Variants in TLCD4 observed in about 807,000 individuals in gnomAD.
TLCD4 encodes the protein TLC domain containing 4.
Under a neutral mutation model 24.2 loss-of-function variants are expected in TLCD4, and 7 were observed. The ratio of observed to expected loss-of-function variants is 0.29; its 90% confidence interval spans 0.16 to 0.54. The LOEUF (loss-of-function observed/expected upper bound fraction) is 0.54. Among genes scored for constraint, TLCD4 ranks in the 20% least tolerant of loss-of-function variants. TLCD4 has a pLI of 0.95. For synonymous variants in TLCD4, 103 were observed against 106.4 expected (o/e 0.97, Z 0.20); for missense variants, 259 against 313.9 (o/e 0.82, Z 1.32).
intron 1 of TLCD4, chr1:95,140,630 C>G (rs1263571466): frequency 6.6e-6 from 1 of 152,210 alleles, no homozygotes; most frequent in Non-Finnish European, 1.5e-5. Flanking sequence ...TGTCTAGACG[C>G]TCTTGTAAAT....
At chr1:95,104,183 C>G in the TLCD4 span, among the ~76,000 whole-genome samples, 1 of 152,176 alleles carries the variant, frequency 6.6e-6, no homozygotes, top group Admixed American at 6.5e-5. Flanking sequence ...GTAAGACTCT[C>G]CCTCAGCCAC....
chr1:95,101,057 G>A, the TLCD4 span, among the ~76,000 whole-genome samples: 13 of 151,816 alleles, frequency 8.6e-5, no homozygotes, highest in Admixed American at 2.0e-4. Flanking sequence ...ACAGGCGCCC[G>A]CCAATGTGCC....
chr1:95,094,426 C>G, the TLCD4 span, among the ~76,000 whole-genome samples: 1 of 152,106 alleles, frequency 6.6e-6, no homozygotes, highest in South Asian at 2.1e-4. Context: ...GCCTGGCTGG[C>G]TAGCCTCTTT....
intron 6 of TLCD4, among the ~76,000 whole-genome samples, chr1:95,176,951 C>T (rs1474315720): frequency 9.9e-5 from 15 of 152,208 alleles, no homozygotes; most frequent in Non-Finnish European, 4.4e-5. Flanking sequence ...GCTGTACATG[C>T]AAGGGTTTAA....
Position 95,117,378 on chromosome 1 carries a change from G to A in TLCD4, c.-251G>A, listed in dbSNP as rs866923372. The A allele has an allele frequency of 1.3e-5, 2 of 152,264 alleles. No individual in the cohort carries two copies. Among genetic ancestry groups the A allele is most frequent in the African/African-American group, 2.4e-5 (1 of 41,562 alleles). The allele number at this position is 152,264 out of a possible 1,614,324, so 9.4% of individuals were successfully genotyped here. A position where few individuals can be genotyped will look rare whatever the true frequency, so the allele number is the denominator to read the frequency against. ...TTAAGGAGCAGCTCTGCGGTAACCC[G>A]AGCCCGCAGTCCGGGCGGGCGCGAC... On this transcript the variant is annotated 5_prime_UTR_variant, in exon 1 of 7. Transcript: ENST00000370203.
chr1:95,115,772 G>T (rs1275558114), upstream of TLCD4, among the ~76,000 whole-genome samples: 1 of 152,160 alleles, frequency 6.6e-6, no homozygotes, highest in Non-Finnish European at 1.5e-5. Flanking sequence ...CATTTATCAG[G>T]AAAGAACAGA....
the TLCD4 span, among the ~76,000 whole-genome samples, chr1:95,109,491 A>AT: frequency 0.52 from 73,415 of 139,890 alleles, 20,472 homozygotes; most frequent in Non-Finnish European, 0.63. Flanking sequence ...TAAGTTTTGC[A>AT]TTTTTTTTTT....
At chr1:95,176,512 G>A (rs1204724127) in intron 6 of TLCD4, among the ~76,000 whole-genome samples, 1 of 152,064 alleles carries the variant, frequency 6.6e-6, no homozygotes, top group African/African-American at 2.4e-5. Flanking sequence ...TTTAAATTGG[G>A]TTATTTATTT....
chr1:95,167,277 C>T (rs1678049990), intron 5 of TLCD4, among the ~76,000 whole-genome samples: 1 of 152,132 alleles, frequency 6.6e-6, no homozygotes, highest in African/African-American at 2.4e-5. Context: ...CATTAACTGT[C>T]TCCGCCTCCC....
At chr1:95,114,868 A>C (rs1363603942), upstream of TLCD4, among the ~76,000 whole-genome samples, 2 of 151,974 alleles carry the variant, frequency 1.3e-5, no homozygotes, top group Admixed American at 1.3e-4. Flanking sequence ...TGCCCATTTC[A>C]AGTGTGGATA....
intron 1 of TLCD4, among the ~76,000 whole-genome samples, chr1:95,131,185 A>C (rs755603785): frequency 6.6e-6 from 1 of 152,208 alleles, no homozygotes; most frequent in Non-Finnish European, 1.5e-5. Context: ...TGAGAAGGAA[A>C]TGTCTGTTTA....
At chr1:95,115,932 G>A (rs998576760), upstream of TLCD4, among the ~76,000 whole-genome samples, 2 of 152,182 alleles carry the variant, frequency 1.3e-5, no homozygotes, top group African/African-American at 4.8e-5. Context: ...AGAGAGTTAT[G>A]AAATAGCTAT....
At chr1:95,190,654 T>C (rs1299246310) in intron 6 of TLCD4, among the ~76,000 whole-genome samples, 2 of 151,830 alleles carry the variant, frequency 1.3e-5, no homozygotes, top group Non-Finnish European at 2.9e-5. Flanking sequence ...ACCCCTGACC[T>C]CAGGTGATCC....
At chr1:95,186,772 C>T (rs1276608560) in intron 6 of TLCD4, among the ~76,000 whole-genome samples, 1 of 152,158 alleles carries the variant, frequency 6.6e-6, no homozygotes, top group African/African-American at 2.4e-5. Context: ...TTAATTTAGC[C>T]ATTGCTATCT....
chr1:95,170,314 A>G (rs1302182417), intron 5 of TLCD4, among the ~76,000 whole-genome samples: 3 of 150,212 alleles, frequency 2.0e-5, no homozygotes, highest in Admixed American at 6.8e-5. Flanking sequence ...GAGGGGTTAT[A>G]ATAATACAAA....
chr1:95,107,726 G>A, the TLCD4 span, among the ~76,000 whole-genome samples: 1 of 152,106 alleles, frequency 6.6e-6, no homozygotes, highest in Admixed American at 6.6e-5. Context: ...TAATCATATT[G>A]ATGTATGGGT....
At chr1:95,139,455 ATTTTT>A (rs200337389) in intron 1 of TLCD4, among the ~76,000 whole-genome samples, 6 of 93,994 alleles carry the variant, frequency 6.4e-5, no homozygotes, top group South Asian at 3.9e-4. Flanking sequence ...TAAACCTTTG[ATTTTT>A]TTTTTTTTTT....
the TLCD4 span, among the ~76,000 whole-genome samples, chr1:95,105,892 CT>C: frequency 8.3e-5 from 3 of 36,250 alleles, no homozygotes; most frequent in East Asian, 5.4e-4. Flanking sequence ...GAGACTCCGT[CT>C]TAAAAAAAAA....
chr1:95,144,062 G>A lies in TLCD4; in HGVS notation c.155+6G>A, dbSNP rs766182751. On this transcript the variant is annotated splice_donor_region_variant and intron_variant, in intron 2 of 6. Transcript: ENST00000370203. ...AAGATTGAATGGAACTCAAGGTAAA[G>A]CATATGAAAATGTAATTGATGACAA... The A allele has an allele frequency of 2.7e-6, 4 of 1,469,962 alleles. No individual in the cohort carries two copies. The highest frequency in any genetic ancestry group is 2.6e-5 in the Admixed American group (1 of 38,396). 91.1% of individuals were successfully genotyped at this position (1,469,962 alleles called of 1,614,324 possible). A position where few individuals can be genotyped will look rare whatever the true frequency, so the allele number is the denominator to read the frequency against.
Sources: allele counts gnomAD v4.1 joint callset (sites outside exome capture counted in the v4.1 genomes callset), GRCh38; gene constraint gnomAD v4.1.1; transcripts MANE v1.5; gene names NCBI Gene and HGNC (gene_info 2026-07-23, HGNC 2026-07-21).